Variants in RAB10 observed in about 807,000 individuals in gnomAD.
RAB10 encodes RAB10, member RAS oncogene family, also known as ras-related protein Rab-10.
RAB10 carries 5 observed loss-of-function variants against 25.7 expected under a neutral mutation model. The observed-to-expected ratio is 0.19, with a 90% CI of 0.10 to 0.41. The LOEUF (loss-of-function observed/expected upper bound fraction) is 0.41. Ranked by LOEUF, RAB10 falls within the 10% of genes least tolerant of loss-of-function variation. RAB10 has a pLI of 1.00. For synonymous variants in RAB10, 89 were observed against 86.4 expected (o/e 1.03, Z -0.16); for missense variants, 103 against 245.8 (o/e 0.42, Z 3.89).
At chr2:26,044,413 AGACCTTC>A (rs2149262006) in intron 1 of RAB10, among the ~76,000 whole-genome samples, 1 of 152,320 alleles carries the variant, frequency 6.6e-6, no homozygotes, top group African/African-American at 2.4e-5. Context: ...GTATTTGCAT[AGACCTTC>A]TTGGAATGTT....
intron 1 of RAB10, among the ~76,000 whole-genome samples, chr2:26,087,190 A>G (rs778467065): frequency 6.6e-6 from 1 of 152,194 alleles, no homozygotes; most frequent in Non-Finnish European, 1.5e-5. Context: ...CATGGTATGA[A>G]TCAGACATGG....
chr2:26,076,167 A>T (rs149611296), intron 1 of RAB10, among the ~76,000 whole-genome samples: 1 of 151,538 alleles, frequency 6.6e-6, no homozygotes, highest in Non-Finnish European at 1.5e-5. Flanking sequence ...TTTAATCCCC[A>T]TAACATATTG....
At chr2:26,063,541 A>T (rs1467095706) in intron 1 of RAB10, among the ~76,000 whole-genome samples, 4 of 152,218 alleles carry the variant, frequency 2.6e-5, no homozygotes, top group Admixed American at 2.0e-4. Context: ...ACATTGTCTT[A>T]CATAAGCACA....
At chr2:26,112,564 T>G (rs1394175829) in intron 3 of RAB10, among the ~76,000 whole-genome samples, 1 of 152,186 alleles carries the variant, frequency 6.6e-6, no homozygotes, top group Non-Finnish European at 1.5e-5. Flanking sequence ...CTGGATGGTT[T>G]GTTTCCCAAG....
chr2:26,078,488 T>C lies in RAB10; in HGVS notation c.128-20174T>C, dbSNP rs1463851456. ...AGATGTACAGATCAGTGGAATAGAATTGAGAATCCAGAAATAAAACTTTAG... is the reference window on the plus strand; with the variant it reads ...AGATGTACAGATCAGTGGAATAGAACTGAGAATCCAGAAATAAAACTTTAG... On this transcript the variant is annotated intron_variant, in intron 1 of 5. Coordinates refer to ENST00000264710, the MANE Select transcript of RAB10 (RefSeq NM_016131.5). Among the ~76,000 whole-genome samples the C allele has an allele frequency of 2.0e-5, 3 of 152,176 alleles. No homozygotes were observed. In the East Asian group the frequency reaches 5.8e-4, roughly 29 times the overall value.
intron 1 of RAB10, among the ~76,000 whole-genome samples, chr2:26,054,152 A>G (rs569696999): frequency 2.0e-5 from 3 of 148,606 alleles, no homozygotes; most frequent in South Asian, 2.1e-4. Context: ...GGTTCAAGCA[A>G]TTCTCCTTCC....
intron 3 of RAB10, among the ~76,000 whole-genome samples, chr2:26,110,632 T>C (rs978862142): frequency 6.6e-6 from 1 of 152,200 alleles, no homozygotes; most frequent in Non-Finnish European, 1.5e-5. Flanking sequence ...TTTTGAAATA[T>C]ATGGAATACT....
intron 1 of RAB10, among the ~76,000 whole-genome samples, chr2:26,070,987 A>G (rs1210454737): frequency 1.3e-5 from 2 of 152,190 alleles, no homozygotes; most frequent in Non-Finnish European, 2.9e-5. Context: ...AAAATTGCTG[A>G]CCTTAGCATG....
intron 3 of RAB10, among the ~76,000 whole-genome samples, chr2:26,123,436 A>G (rs986414961): frequency 2.6e-5 from 4 of 152,250 alleles, no homozygotes; most frequent in African/African-American, 7.2e-5. Context: ...CGTTATAGAA[A>G]AAGCCATGAA....
chr2:26,053,181 G>A (rs951171118), intron 1 of RAB10, among the ~76,000 whole-genome samples: 1 of 152,118 alleles, frequency 6.6e-6, no homozygotes, highest in African/African-American at 2.4e-5. Context: ...TTTAAAACTT[G>A]TAACATTAGT....
At chr2:26,109,684 G>T in intron 2 of RAB10, 84 bp from the exon 3 acceptor site, 1 of 1,338,716 alleles carries the variant, frequency 7.5e-7, no homozygotes, top group South Asian at 2.0e-5. Flanking sequence ...TATATACTTA[G>T]GAAAAACTAT....
intron 3 of RAB10, among the ~76,000 whole-genome samples, chr2:26,124,417 T>TTTTTTTTTTTTTTTTTTG (rs1667867053): frequency 8.4e-6 from 1 of 119,560 alleles, no homozygotes; most frequent in East Asian, 2.5e-4. Context: ...TTTTTTTTTT[T>TTTTTTTTTTTTTTTTTTG]GAGACAGGTT....
chr2:26,134,156 C>T (rs372579559), intron 5 of RAB10, among the ~76,000 whole-genome samples: 19 of 152,100 alleles, frequency 1.2e-4, no homozygotes, highest in African/African-American at 4.3e-4. Context: ...TGGTCTGTTG[C>T]ACAGGCTGGA....
intron 3 of RAB10, among the ~76,000 whole-genome samples, chr2:26,121,593 G>A (rs1667803942): frequency 2.0e-5 from 3 of 152,086 alleles, no homozygotes; most frequent in South Asian, 2.1e-4. Context: ...GGGCGGGGGG[G>A]AAATTAAGAA....
intron 1 of RAB10, among the ~76,000 whole-genome samples, chr2:26,091,024 G>GTTT (rs1383074271): frequency 1.8e-4 from 28 of 152,134 alleles, no homozygotes; most frequent in African/African-American, 6.5e-4. Flanking sequence ...GAGTAGAAAA[G>GTTT]GGTGGGGCTT....
intron 1 of RAB10, among the ~76,000 whole-genome samples, chr2:26,051,754 C>CAA (rs952237769): frequency 1.8e-5 from 2 of 113,482 alleles, no homozygotes; most frequent in South Asian, 2.7e-4. Flanking sequence ...ACTCCGTCTC[C>CAA]AAAAAAAAAA....
At chr2:26,079,002 CA>C (rs1278778970) in intron 1 of RAB10, among the ~76,000 whole-genome samples, 1 of 152,106 alleles carries the variant, frequency 6.6e-6, no homozygotes, top group Non-Finnish European at 1.5e-5. Flanking sequence ...ATTCTGGTGA[CA>C]TGATAAAACC....
intron 1 of RAB10, among the ~76,000 whole-genome samples, chr2:26,066,025 T>G (rs1666505674): frequency 6.6e-6 from 1 of 152,244 alleles, no homozygotes; most frequent in African/African-American, 2.4e-5. Flanking sequence ...GTTACATGTT[T>G]TTAAACAATT....
chr2:26,096,545 ACTT>A, intron 1 of RAB10, among the ~76,000 whole-genome samples: 1 of 152,172 alleles, frequency 6.6e-6, no homozygotes. Context: ...TTCTCTAGTA[ACTT>A]CTTTTCTACT....
Sources: gnomAD v4.1 joint callset for allele counts (sites outside exome capture counted in the v4.1 genomes callset) on GRCh38, gnomAD v4.1.1 for gene constraint, MANE v1.5 for transcripts, NCBI Gene and HGNC (gene_info 2026-07-23, HGNC 2026-07-21) for gene names.